Variants in AK5 observed in about 807,000 individuals in gnomAD.
AK5 encodes adenylate kinase 5.
AK5 carries 27 observed loss-of-function variants against 69.5 expected under a neutral mutation model. The ratio of observed to expected loss-of-function variants is 0.39; its 90% CI spans 0.29 to 0.54. AK5 has a LOEUF of 0.54. Ranked by LOEUF, AK5 falls within the 20% of genes least tolerant of loss-of-function variation. The pLI is 0.71. For synonymous variants in AK5, 260 were observed against 244.4 expected (o/e 1.06, Z -0.60); for missense variants, 531 against 700.4 (o/e 0.76, Z 2.73).
chr1:77,443,675 G>T (rs1465939451), intron 8 of AK5, among the ~76,000 whole-genome samples: 1 of 116,336 alleles, frequency 8.6e-6, no homozygotes, highest in Admixed American at 8.9e-5. Context: ...ACTGTGGGGA[G>T]TCTGTGTGTG....
At chr1:77,468,089 C>G (rs1654253412) in intron 8 of AK5, among the ~76,000 whole-genome samples, 1 of 152,188 alleles carries the variant, frequency 6.6e-6, no homozygotes, top group South Asian at 2.1e-4. Flanking sequence ...TTTAGTACAC[C>G]AAGCCTCTTG....
chr1:77,440,355 A>T (rs1652248226), intron 8 of AK5, among the ~76,000 whole-genome samples: 1 of 152,146 alleles, frequency 6.6e-6, no homozygotes, highest in Non-Finnish European at 1.5e-5. Context: ...TCTAATAGGG[A>T]TTCCCTTATA....
At chr1:77,347,066 A>G (rs1389839692) in intron 6 of AK5, among the ~76,000 whole-genome samples, 1 of 152,072 alleles carries the variant, frequency 6.6e-6, no homozygotes, top group Non-Finnish European at 1.5e-5. Context: ...ACTAATTCCT[A>G]TTTCTGGATT....
At chr1:77,391,464 T>C (rs564658556) in intron 6 of AK5, among the ~76,000 whole-genome samples, 6 of 127,998 alleles carry the variant, frequency 4.7e-5, no homozygotes, top group South Asian at 2.6e-4. Flanking sequence ...TATATATATA[T>C]ACACATATGT....
At chr1:77,311,267 T>C (rs1405541409) in intron 5 of AK5, among the ~76,000 whole-genome samples, 1 of 152,168 alleles carries the variant, frequency 6.6e-6, no homozygotes, top group African/African-American at 2.4e-5. Flanking sequence ...AATATTTGTG[T>C]CATGGATATT....
chr1:77,321,397 A>G (rs982119612), intron 5 of AK5, among the ~76,000 whole-genome samples: 6 of 152,042 alleles, frequency 3.9e-5, no homozygotes, highest in African/African-American at 1.4e-4. Context: ...TGAACCCGAG[A>G]GGCGTAGGTT....
intron 6 of AK5, among the ~76,000 whole-genome samples, chr1:77,391,416 T>C (rs1336404181): frequency 3.1e-5 from 4 of 130,982 alleles, no homozygotes; most frequent in African/African-American, 1.2e-4. Context: ...CACACACATA[T>C]ATATGTATAT....
In AK5 at chr1:77,536,006, G is replaced by T; in HGVS notation, c.1588G>T (p.Ala530Ser). Residue 530 changes from alanine to serine, a missense_variant, in exon 13 of 14, where the codon GCC (alanine) becomes TCC (serine). Ala to Ser is a moderately conservative substitution (Grantham distance 99). Coordinates refer to ENST00000354567, the MANE Select transcript of AK5 (RefSeq NM_174858.3). The part of the protein sequence containing the change: ...AYYRASIPVI[A>S]YYETKTQLHK... ...CTACCGAGCGTCCATCCCCGTGATC[G>T]CCTACTACGAGACAAAAACACAGCT... 1.2e-6 allele frequency: 2 copies of T among 1,612,406 alleles called. No individual in the cohort carries two copies. Among genetic ancestry groups the T allele is most frequent in the Non-Finnish European group, 1.7e-6 (2 of 1,179,668 alleles).
chr1:77,354,221 T>C (rs1241426457), intron 6 of AK5, among the ~76,000 whole-genome samples: 1 of 152,122 alleles, frequency 6.6e-6, no homozygotes, highest in Non-Finnish European at 1.5e-5. Flanking sequence ...GCTCTCTCCC[T>C]GCTCAACAAC....
At chr1:77,343,237 C>T (rs1661748030) in intron 6 of AK5, among the ~76,000 whole-genome samples, 2 of 152,162 alleles carry the variant, frequency 1.3e-5, no homozygotes, top group Admixed American at 6.5e-5. Flanking sequence ...ACTCCAATAG[C>T]ATTAATCACT....
chr1:77,504,236 A>G (rs1320045457), intron 10 of AK5, among the ~76,000 whole-genome samples: 3 of 152,174 alleles, frequency 2.0e-5, no homozygotes, highest in Admixed American at 6.5e-5. Context: ...CTTTAGACAC[A>G]TGCAGCCCAA....
At chr1:77,428,094 TTAA>T (rs1280228550) in intron 8 of AK5, among the ~76,000 whole-genome samples, 1 of 152,190 alleles carries the variant, frequency 6.6e-6, no homozygotes, top group African/African-American at 2.4e-5. Context: ...CCAAATCGTA[TTAA>T]TGACAGTGGC....
intron 10 of AK5, among the ~76,000 whole-genome samples, chr1:77,516,812 G>A (rs1421904909): frequency 6.6e-6 from 1 of 152,130 alleles, no homozygotes; most frequent in African/African-American, 2.4e-5. Context: ...GCTCATGCCT[G>A]TAATCCCAGC....
intron 13 of AK5, among the ~76,000 whole-genome samples, chr1:77,536,558 T>G (rs968114928): frequency 6.6e-5 from 10 of 152,124 alleles, no homozygotes; most frequent in Non-Finnish European, 1.3e-4. Context: ...CATAAAAAGG[T>G]GGTCATATAA....
intron 8 of AK5, among the ~76,000 whole-genome samples, chr1:77,479,333 G>A (rs1036004290): frequency 6.6e-6 from 1 of 150,560 alleles, no homozygotes; most frequent in Admixed American, 6.7e-5. Flanking sequence ...AACTTCCTGA[G>A]TACCTAGGAT....
intron 10 of AK5, among the ~76,000 whole-genome samples, chr1:77,514,225 T>C (rs560243807): frequency 6.6e-6 from 1 of 152,180 alleles, no homozygotes; most frequent in Non-Finnish European, 1.5e-5. Flanking sequence ...CGTGGTATGG[T>C]GTATGGGCTT....
chr1:77,541,172 G>T (rs76795913), intron 13 of AK5, among the ~76,000 whole-genome samples: 1 of 152,194 alleles, frequency 6.6e-6, no homozygotes, highest in African/African-American at 2.4e-5. Flanking sequence ...CTCCCAAGGT[G>T]CTGGGATTAC....
chr1:77,506,259 T>G (rs984301289), intron 10 of AK5, among the ~76,000 whole-genome samples: 5 of 119,136 alleles, frequency 4.2e-5, no homozygotes, highest in Non-Finnish European at 5.8e-5. Context: ...TTGGTTGTTT[T>G]TTTTCATTTT....
intron 8 of AK5, among the ~76,000 whole-genome samples, chr1:77,430,349 A>G (rs1356919280): frequency 2.0e-5 from 3 of 152,198 alleles, no homozygotes; most frequent in African/African-American, 4.8e-5. Context: ...CTGGGTTTTC[A>G]ACTGGTACAG....
Sources: allele counts gnomAD v4.1 joint callset (sites outside exome capture counted in the v4.1 genomes callset), GRCh38; gene constraint gnomAD v4.1.1; transcripts MANE v1.5; gene names NCBI Gene and HGNC (gene_info 2026-07-23, HGNC 2026-07-21).